The following WSCD1 variants were observed in gnomAD, a reference collection of about 807,000 sequenced individuals.
The protein encoded by WSCD1 is WSC domain sialate O sulfotransferase 1.
A neutral mutation model predicts 60.4 loss-of-function variants in WSCD1; 41 were observed. That is an observed-to-expected ratio of 0.68 (90% CI 0.53 to 0.88). WSCD1 has a LOEUF of 0.88. Ranked by LOEUF, WSCD1 falls within the 40% of genes least tolerant of loss-of-function variation. The pLI is 0.00. For missense variants in WSCD1, 784 were observed against 796.2 expected (o/e 0.98, Z 0.18); for synonymous variants, 361 against 332.5 (o/e 1.09, Z -0.93).
intron 3 of WSCD1, 93 bp from the exon 4 acceptor site, chr17:6,090,228 T>C (rs1909933993): frequency 1.5e-6 from 2 of 1,300,454 alleles, no homozygotes; most frequent in Non-Finnish European, 2.1e-6. Flanking sequence ...AAACATACTT[T>C]CTAATCTACA....
chr17:6,120,378 G>A lies in WSCD1; in HGVS notation c.1445G>A (p.Gly482Glu), dbSNP rs1254693719. The A allele has an allele frequency of 1.2e-6, 2 of 1,614,092 alleles. No homozygotes were observed. The highest frequency in any genetic ancestry group is 2.2e-5 in the East Asian group (1 of 44,886). The change falls in exon 9 of 9, where the codon GGG becomes GAG. Residue 482 changes from glycine to glutamate, a missense_variant. By Grantham distance (98) the Gly-to-Glu change is moderately conservative (BLOSUM62 -2). Transcript: ENST00000317744. ...SSHVLDWLKY[G>E]KRLLVVHYEE... ...CACGTCCTGGACTGGCTCAAGTACGGGAAGCGGCTGCTGGTGGTGCACTAC... is the reference window on the plus strand; with the variant it reads ...CACGTCCTGGACTGGCTCAAGTACGAGAAGCGGCTGCTGGTGGTGCACTAC...
intron 3 of WSCD1, among the ~76,000 whole-genome samples, chr17:6,089,462 T>C (rs1180076169): frequency 6.6e-6 from 1 of 152,210 alleles, no homozygotes; most frequent in Non-Finnish European, 1.5e-5. Context: ...TTCCAACCTT[T>C]CTTTACCTAC....
chr17:6,099,443 A>G (rs1321550084), intron 5 of WSCD1, among the ~76,000 whole-genome samples: 2 of 150,418 alleles, frequency 1.3e-5, no homozygotes, highest in Non-Finnish European at 3.0e-5. Context: ...TGAACCCAGG[A>G]GGCAGAGGTT....
At position 6,118,523 on chromosome 17, in the gene WSCD1, G is replaced by A. The variant is rs2150572420; in HGVS notation, c.1375+335G>A. 2.0e-5 allele frequency among the ~76,000 whole-genome samples: 3 copies of A among 152,344 alleles called. 1 individual carries two copies. In the Middle Eastern group the frequency reaches 0.01, roughly 518 times the overall value. ...TCTCTGCTTCTGCCCAGGAGCTCAT[G>A]CAGGGCTGGGAGAAGAGCACATGGG... On this transcript the variant is annotated intron_variant, in intron 8 of 8. Coordinates refer to ENST00000317744, the MANE Select transcript of WSCD1 (RefSeq NM_015253.2). The surrounding 1 kb of genome is among the most constrained non-coding windows in gnomAD (Gnocchi z 5.8).
rs1410337445 is a variant in WSCD1, at chr17:6,075,926, A to C, written c.-288-4445A>C. Among the ~76,000 whole-genome samples, 1 of 149,522 alleles carries C rather than the reference A, an allele frequency of 6.7e-6. No individual in the cohort carries two copies. The highest frequency in any genetic ancestry group is 1.5e-5 in the Non-Finnish European group (1 of 67,996). Reference sequence around the variant, plus strand: ...AGTCCCAGTGGGCTGGGGCGGGAACACTCACGGACAAGGCACTGTCTGGAA... The same window carrying C: ...AGTCCCAGTGGGCTGGGGCGGGAACCCTCACGGACAAGGCACTGTCTGGAA... On this transcript the variant is annotated intron_variant, in intron 1 of 8. Transcript: ENST00000317744. The surrounding 1 kb of genome is among the most constrained non-coding windows in gnomAD (Gnocchi z 4.1).
intron 7 of WSCD1, 124 bp from the exon 8 acceptor site, chr17:6,117,862 CCT>C: frequency 1.1e-6 from 1 of 939,844 alleles, no homozygotes; most frequent in Non-Finnish European, 1.6e-6. Context: ...CTCTCAGTGT[CCT>C]CTGTGTCTTC....
At chr17:6,072,441 G>C (rs1244370757) in intron 1 of WSCD1, among the ~76,000 whole-genome samples, 3 of 152,174 alleles carry the variant, frequency 2.0e-5, no homozygotes, top group Non-Finnish European at 4.4e-5. Context: ...CTCCGAGCAG[G>C]GCCTCTAGGG....
chr17:6,095,306 G>C (rs1280485093), intron 5 of WSCD1, 83 bp downstream of exon 5: 5 of 1,475,834 alleles, frequency 3.4e-6, no homozygotes, highest in Non-Finnish European at 3.6e-6. Context: ...GTGCTGGGCT[G>C]CGGGTGTCCC....
rs539799780 is a variant in WSCD1 at position 6,113,923 on chromosome 17, A to G, written c.1174+2988A>G. On this transcript the variant is annotated intron_variant, in intron 7 of 8. Transcript: ENST00000317744. ...TAAACTAGTACAGCTCTTACGGAAA[A>G]TAGTATGGAGGCTCCTCAAAAAAAA... Among the ~76,000 whole-genome samples, 330 of 152,232 alleles carry G rather than the reference A, an allele frequency of 2.2e-3. 2 individuals carry two copies. Among genetic ancestry groups the G allele is most frequent in the Non-Finnish European group, 3.9e-3 (262 of 68,002 alleles).
At chr17:6,103,874 A>G (rs1417199841) in intron 5 of WSCD1, among the ~76,000 whole-genome samples, 1 of 152,208 alleles carries the variant, frequency 6.6e-6, no homozygotes, top group Non-Finnish European at 1.5e-5. Context: ...CAGATCCACC[A>G]TATGGATGGA....
At chr17:6,069,923 G>C (rs1034473009), upstream of WSCD1, among the ~76,000 whole-genome samples, 2 of 152,032 alleles carry the variant, frequency 1.3e-5, no homozygotes, top group Non-Finnish European at 2.9e-5. Flanking sequence ...AGAGCCCAGA[G>C]AGTGTGTGTG....
chr17:6,093,708 C>A (rs1244949445), intron 4 of WSCD1, among the ~76,000 whole-genome samples: 1 of 152,156 alleles, frequency 6.6e-6, no homozygotes, highest in East Asian at 1.9e-4. Flanking sequence ...AGACATGGCC[C>A]CATCAGGGGA....
At chr17:6,104,506 C>T (rs1910979117) in intron 5 of WSCD1, among the ~76,000 whole-genome samples, 1 of 152,210 alleles carries the variant, frequency 6.6e-6, no homozygotes, top group Non-Finnish European at 1.5e-5. Flanking sequence ...CCAGCATCTG[C>T]CTCTCCAAAT....
rs374156085 is a variant in WSCD1, at chr17:6,098,960, T to C, written c.849+3737T>C. Among the ~76,000 whole-genome samples, 18 of 152,084 alleles carry C rather than the reference T, an allele frequency of 1.2e-4. 1 individual carries two copies. The highest frequency in any genetic ancestry group is 4.3e-4 in the African/African-American group (18 of 41,482). On this transcript the variant is annotated intron_variant, in intron 5 of 8. Transcript: ENST00000317744. ...TGGAACTGGAGGATGTGGGGCAGTGTTGGCAGGTGGCTGAGGGGATTAAGG... is the reference window on the plus strand; with the variant it reads ...TGGAACTGGAGGATGTGGGGCAGTGCTGGCAGGTGGCTGAGGGGATTAAGG...
chr17:6,112,291 G>C (rs1020634838), intron 7 of WSCD1, among the ~76,000 whole-genome samples: 4 of 152,112 alleles, frequency 2.6e-5, no homozygotes, highest in African/African-American at 4.8e-5. Flanking sequence ...ATTAGGTATA[G>C]AGGGAACGTA....
intron 5 of WSCD1, among the ~76,000 whole-genome samples, chr17:6,105,608 T>G (rs1427519126): frequency 3.3e-5 from 5 of 152,200 alleles, no homozygotes; most frequent in Non-Finnish European, 5.9e-5. Context: ...CACATTACTG[T>G]CTGCAGCTCT....
At position 6,122,590 on chromosome 17, in the gene WSCD1, A is replaced by C. The variant is rs3744724; in HGVS notation, c.*1929A>C. The C allele has an allele frequency of 0.25, 38,240 of 152,272 alleles. 5,389 individuals carry two copies. The highest frequency in any genetic ancestry group is 0.4 in the East Asian group (2,062 of 5,146). 9.4% of individuals were successfully genotyped at this position (152,272 alleles called of 1,614,324 possible). On this transcript the variant is annotated 3_prime_UTR_variant, in exon 9 of 9. Transcript: ENST00000317744. ...TAGCCAGGGCAGACCTGCATCCCAG[A>C]GCAAGCCTAGATCCTTGAAAGCAAT...
At chr17:6,078,786 G>A (rs1478340970) in intron 1 of WSCD1, among the ~76,000 whole-genome samples, 1 of 152,154 alleles carries the variant, frequency 6.6e-6, no homozygotes. Flanking sequence ...TGCATGTTAG[G>A]AGGATCACCC....
At chr17:6,090,873 T>C (rs1380106871) in intron 4 of WSCD1, among the ~76,000 whole-genome samples, 1 of 152,066 alleles carries the variant, frequency 6.6e-6, no homozygotes, top group Non-Finnish European at 1.5e-5. Flanking sequence ...TCTTTCTTTT[T>C]TTTAATTTTT....
Sources: gnomAD v4.1 joint callset for allele counts (sites outside exome capture counted in the v4.1 genomes callset) on GRCh38, gnomAD v4.1.1 for gene constraint, Gnocchi (gnomAD v3.1) non-coding constraint, MANE v1.5 for transcripts, NCBI Gene and HGNC (gene_info 2026-07-23, HGNC 2026-07-21) for gene names.